NCKAP5: variants seen among roughly 807,000 people sequenced by gnomAD.
NCKAP5 encodes the protein NCK associated protein 5, also known as nck-associated protein 5.
NCKAP5 carries 92 observed loss-of-function variants against 167.0 expected under a neutral mutation model. That is an observed-to-expected ratio of 0.55 (90% CI 0.47 to 0.66). The LOEUF is 0.66. NCKAP5 is among the 30% of genes least tolerant of loss of function. The pLI, the probability that NCKAP5 is intolerant of heterozygous loss-of-function variation, is 0.00. For synonymous variants in NCKAP5, 891 were observed against 877.4 expected, an observed-to-expected ratio of 1.02 and a Z score of -0.27; for missense variants, 2,378 against 2,315.0, an observed-to-expected ratio of 1.03 and a Z score of -0.56.
At chr2:133,590,924 TGTGAGA>T in the NCKAP5 span, among the ~76,000 whole-genome samples, 3 of 83,834 alleles carry the variant, frequency 3.6e-5, no homozygotes, top group South Asian at 3.9e-4. Context: ...TGCATGTGTG[TGTGAGA>T]GAGAGAGAGA....
intron 3 of NCKAP5, among the ~76,000 whole-genome samples, chr2:133,479,936 T>C (rs1429480971): frequency 1.3e-5 from 2 of 149,720 alleles, no homozygotes. Flanking sequence ...TTTTTCCTTT[T>C]TTTTTTTTTT....
At chr2:133,090,713 G>C (rs2081148340) in intron 6 of NCKAP5, among the ~76,000 whole-genome samples, 1 of 151,874 alleles carries the variant, frequency 6.6e-6, no homozygotes, top group African/African-American at 2.4e-5. Flanking sequence ...GTAGAAGAAA[G>C]GTTAATATCA....
intron 3 of NCKAP5, among the ~76,000 whole-genome samples, chr2:133,348,949 T>C (rs1436205877): frequency 2.6e-5 from 4 of 152,250 alleles, no homozygotes; most frequent in African/African-American, 9.6e-5. Context: ...CTTCCAATAC[T>C]GGTGTGTTCT....
intron 2 of NCKAP5, among the ~76,000 whole-genome samples, chr2:133,538,207 A>T (rs1315642608): frequency 6.6e-6 from 1 of 152,190 alleles, no homozygotes; most frequent in Non-Finnish European, 1.5e-5. Flanking sequence ...TTATGCTAAC[A>T]TTGTTGAAGG....
chr2:133,115,141 G>A (rs2082030171), intron 6 of NCKAP5, among the ~76,000 whole-genome samples: 1 of 152,088 alleles, frequency 6.6e-6, no homozygotes, highest in Non-Finnish European at 1.5e-5. Flanking sequence ...TCCTGGGGTT[G>A]TTTTGTATTA....
chr2:133,328,890 T>C (rs1682638764), intron 3 of NCKAP5, among the ~76,000 whole-genome samples: 1 of 152,194 alleles, frequency 6.6e-6, no homozygotes, highest in South Asian at 2.1e-4. Flanking sequence ...GCAATCATAA[T>C]ATTAGAATTT....
intron 3 of NCKAP5, among the ~76,000 whole-genome samples, chr2:133,380,234 T>C (rs886627173): frequency 1.3e-5 from 2 of 152,222 alleles, no homozygotes; most frequent in African/African-American, 4.8e-5. Flanking sequence ...AACAGTGCTA[T>C]TAAATCTAAA....
the NCKAP5 span, among the ~76,000 whole-genome samples, chr2:133,576,996 G>A: frequency 6.6e-6 from 1 of 152,168 alleles, no homozygotes; most frequent in South Asian, 2.1e-4. Context: ...GATGAGACCA[G>A]TTTCCACCTA....
chr2:133,339,865 A>G (rs1683456883), intron 3 of NCKAP5, among the ~76,000 whole-genome samples: 1 of 152,204 alleles, frequency 6.6e-6, no homozygotes, highest in Non-Finnish European at 1.5e-5. Flanking sequence ...CATTTTATGG[A>G]AAACAATTTA....
chr2:133,362,487 A>G (rs937703949), intron 3 of NCKAP5, among the ~76,000 whole-genome samples: 2 of 152,196 alleles, frequency 1.3e-5, no homozygotes, highest in African/African-American at 4.8e-5. Flanking sequence ...GGAGTTTTTA[A>G]TTTTTAAAAT....
In NCKAP5 at chr2:133,178,543, A is replaced by C. The variant is rs1232472729; in HGVS notation, c.207+35173T>G. On this transcript the variant is annotated intron_variant, in intron 5 of 19. Coordinates refer to ENST00000409261, the MANE Select transcript of NCKAP5 (RefSeq NM_207363.3). ...AAAAAAAAAAAAAAAAAAAAAAAAA[A>C]GGCCAGGCGCATTGGCTCACGCCTG... 4.9e-5 allele frequency among the ~76,000 whole-genome samples: 6 copies of C among 122,558 alleles called. No homozygotes were observed. In the East Asian group the frequency reaches 1.7e-3, roughly 34 times the overall value. 80.4% of individuals were successfully genotyped at this position (122,558 alleles called of 152,430 possible). A position where few individuals can be genotyped will look rare whatever the true frequency, so the allele number is the denominator to read the frequency against.
At chr2:133,288,031 G>T (rs1344725) in intron 4 of NCKAP5, among the ~76,000 whole-genome samples, 19,345 of 152,104 alleles carry the variant, frequency 0.13, 1,282 homozygotes, top group South Asian at 0.15. Context: ...GTATTAGTTT[G>T]CAAACTAATC....
chr2:133,598,141 C>T, the NCKAP5 span, among the ~76,000 whole-genome samples: 1 of 152,302 alleles, frequency 6.6e-6, no homozygotes, highest in South Asian at 2.1e-4. Context: ...TTCCTCATCC[C>T]TGTAATGAGG....
chr2:132,931,549 T>C (rs1458116963), intron 8 of NCKAP5: 1 of 152,212 alleles, frequency 6.6e-6, no homozygotes, highest in Admixed American at 6.5e-5. Flanking sequence ...TCAGGCTAAC[T>C]TCCTTACTTG....
At chr2:133,643,672 A>G in the NCKAP5 span, among the ~76,000 whole-genome samples, 2 of 152,126 alleles carry the variant, frequency 1.3e-5, no homozygotes, top group African/African-American at 4.8e-5. Flanking sequence ...CCACTATCAC[A>G]TTCAAAATCA....
At chr2:133,249,636 G>C (rs2088201021) in intron 4 of NCKAP5, among the ~76,000 whole-genome samples, 1 of 152,194 alleles carries the variant, frequency 6.6e-6, no homozygotes, top group Non-Finnish European at 1.5e-5. Context: ...TGTTGATTGA[G>C]GACCTCCTAT....
At chr2:133,539,817 T>C (rs1000391193) in intron 2 of NCKAP5, among the ~76,000 whole-genome samples, 5 of 151,572 alleles carry the variant, frequency 3.3e-5, no homozygotes, top group Admixed American at 1.3e-4. Context: ...AAAGAGAAAA[T>C]AGAATAACAT....
intron 5 of NCKAP5, among the ~76,000 whole-genome samples, chr2:133,168,074 C>A (rs1025394450): frequency 2.0e-5 from 3 of 152,056 alleles, no homozygotes; most frequent in African/African-American, 7.2e-5. Flanking sequence ...CTAGAACAAG[C>A]TGAAATTATT....
At chr2:133,565,330 CTG>C (rs1296111615) in intron 1 of NCKAP5, among the ~76,000 whole-genome samples, 2 of 152,236 alleles carry the variant, frequency 1.3e-5, no homozygotes, top group African/African-American at 2.4e-5. Context: ...TAAATAATAA[CTG>C]TAGCTAATAC....
Sources: allele counts gnomAD v4.1 joint callset (sites outside exome capture counted in the v4.1 genomes callset), GRCh38; gene constraint gnomAD v4.1.1; transcripts MANE v1.5; gene names NCBI Gene and HGNC (gene_info 2026-07-23, HGNC 2026-07-21).